The following PDE1A variants were observed in gnomAD, a reference collection of about 807,000 sequenced individuals.
The protein encoded by PDE1A is phosphodiesterase 1A.
A neutral mutation model predicts 61.7 loss-of-function variants in PDE1A; 35 were observed. That is an observed-to-expected ratio of 0.57 (90% CI 0.43 to 0.75). The LOEUF is 0.75. Among genes scored for constraint, PDE1A ranks in the 30% least tolerant of loss-of-function variants. PDE1A has a pLI of 0.00. For missense variants in PDE1A, 597 were observed against 630.6 expected (o/e 0.95, Z 0.57); for synonymous variants, 232 against 213.2 (o/e 1.09, Z -0.77).
intron 2 of PDE1A, among the ~76,000 whole-genome samples, chr2:182,447,083 G>A (rs1685188186): frequency 6.6e-6 from 1 of 150,860 alleles, no homozygotes; most frequent in Non-Finnish European, 1.5e-5. Context: ...GACGGCCACT[G>A]GGAAAATGTT....
At chr2:182,142,302 T>C (rs1027794679), downstream of PDE1A, 3 of 152,220 alleles carry the variant, frequency 2.0e-5, no homozygotes, top group Non-Finnish European at 4.4e-5. Flanking sequence ...GTAGATAGCA[T>C]GTGACTTGCT....
At chr2:182,649,502 G>A in the PDE1A span, among the ~76,000 whole-genome samples, 2 of 151,788 alleles carry the variant, frequency 1.3e-5, no homozygotes, top group East Asian at 1.9e-4. Context: ...GGGAGCAGTG[G>A]CTGACAATTG....
chr2:182,258,246 A>C (rs187309304), intron 2 of PDE1A, among the ~76,000 whole-genome samples: 1 of 152,308 alleles, frequency 6.6e-6, no homozygotes, highest in East Asian at 1.9e-4. Context: ...ATTATAGCTG[A>C]TTTTAGCTTC....
chr2:182,508,643 T>G (rs1020396709), intron 2 of PDE1A, among the ~76,000 whole-genome samples: 3 of 151,082 alleles, frequency 2.0e-5, no homozygotes, highest in Admixed American at 6.6e-5. Context: ...AAAAGAAAAC[T>G]AGCATAGCAT....
At chr2:182,630,554 TTAAA>T in the PDE1A span, among the ~76,000 whole-genome samples, 1 of 151,438 alleles carries the variant, frequency 6.6e-6, no homozygotes, top group Non-Finnish European at 1.5e-5. Context: ...ATCCTCTTTT[TTAAA>T]AAAAAAAAAA....
intron 2 of PDE1A, among the ~76,000 whole-genome samples, chr2:182,482,836 T>C (rs896392024): frequency 6.6e-6 from 1 of 151,936 alleles, no homozygotes; most frequent in Non-Finnish European, 1.5e-5. Flanking sequence ...AACAGCAACA[T>C]GACAGATTCC....
chr2:182,431,663 A>T (rs529004973), upstream of PDE1A, among the ~76,000 whole-genome samples: 20 of 152,242 alleles, frequency 1.3e-4, no homozygotes, highest in South Asian at 1.5e-3. Context: ...AAGTTTTACA[A>T]CTGACTAAGA....
chr2:182,594,264 GATAAT>G, the PDE1A span, among the ~76,000 whole-genome samples: 2 of 152,122 alleles, frequency 1.3e-5, no homozygotes, highest in Non-Finnish European at 2.9e-5. Context: ...CAAATGTGAA[GATAAT>G]ACCATAAGCT....
At chr2:182,240,259 G>A (rs755533201) in exon 3 of PDE1A, 2 of 1,608,032 alleles carry the variant, frequency 1.2e-6, no homozygotes, top group East Asian at 4.5e-5. Context: ...CAGTCTGAAT[G>A]TCACTGAGCT....
At chr2:182,455,160 T>G (rs921332190) in intron 2 of PDE1A, among the ~76,000 whole-genome samples, 2 of 152,008 alleles carry the variant, frequency 1.3e-5, no homozygotes, top group African/African-American at 4.8e-5. Flanking sequence ...GAAAAAATGC[T>G]CACCATCACT....
chr2:182,658,214 A>T, the PDE1A span, among the ~76,000 whole-genome samples: 1 of 152,226 alleles, frequency 6.6e-6, no homozygotes, highest in Non-Finnish European at 1.5e-5. Context: ...TCAAAGAATC[A>T]GCAAGGCTGG....
the PDE1A span, among the ~76,000 whole-genome samples, chr2:182,532,051 T>C: frequency 6.6e-6 from 1 of 152,162 alleles, no homozygotes; most frequent in Non-Finnish European, 1.5e-5. Flanking sequence ...GTGGCTGCAG[T>C]AAAAAGGTAT....
At chr2:182,444,953 G>C (rs1488535693) in intron 2 of PDE1A, among the ~76,000 whole-genome samples, 1 of 152,078 alleles carries the variant, frequency 6.6e-6, no homozygotes, top group Non-Finnish European at 1.5e-5. Flanking sequence ...AGATACACAA[G>C]TTAAACTTGG....
chr2:182,164,582 G>T (rs564250636), downstream of PDE1A, among the ~76,000 whole-genome samples: 1 of 152,182 alleles, frequency 6.6e-6, no homozygotes, highest in Admixed American at 6.5e-5. Flanking sequence ...AGCTACCATT[G>T]TCATTGCCCA....
At chr2:182,472,973 T>G (rs894101969) in intron 2 of PDE1A, among the ~76,000 whole-genome samples, 2 of 151,616 alleles carry the variant, frequency 1.3e-5, no homozygotes, top group African/African-American at 4.8e-5. Context: ...TATTTTATTG[T>G]TATTATACTT....
At chr2:182,172,385 T>C (rs1271832726) in intron 13 of PDE1A, among the ~76,000 whole-genome samples, 1 of 152,068 alleles carries the variant, frequency 6.6e-6, no homozygotes, top group African/African-American at 2.4e-5. Flanking sequence ...AATATTTTTG[T>C]AATGACTTAA....
At chr2:182,176,216 G>T (rs1414679864) in intron 13 of PDE1A, among the ~76,000 whole-genome samples, 2 of 147,980 alleles carry the variant, frequency 1.4e-5, no homozygotes, top group Non-Finnish European at 3.0e-5. Context: ...TTCCAATTCT[G>T]TGAAGAAAGT....
rs909109019 is a variant in PDE1A at position 182,294,596 on chromosome 2, G to T, written c.54-30182C>A. Reference sequence around the variant, plus strand: ...TCCTTCTATAGGATCCCCATAGGCAGCCATATTTAATATCACATTACCCTG... The same window carrying T: ...TCCTTCTATAGGATCCCCATAGGCATCCATATTTAATATCACATTACCCTG... On this transcript the variant is annotated intron_variant, in intron 1 of 13. Transcript: ENST00000351439. 3.9e-5 allele frequency among the ~76,000 whole-genome samples: 6 copies of T among 152,260 alleles called. 1 individual carries two copies. In the Middle Eastern group the frequency reaches 0.01, roughly 259 times the overall value.
chr2:182,415,087 AT>A (rs1381872229), intron 1 of PDE1A, among the ~76,000 whole-genome samples: 7 of 152,142 alleles, frequency 4.6e-5, no homozygotes, highest in Admixed American at 2.6e-4. Flanking sequence ...AGATAGAAGC[AT>A]TTTAAAAAAA....
Sources: gnomAD v4.1 joint callset for allele counts (sites outside exome capture counted in the v4.1 genomes callset) on GRCh38, gnomAD v4.1.1 for gene constraint, MANE v1.5 for transcripts, NCBI Gene and HGNC (gene_info 2026-07-23, HGNC 2026-07-21) for gene names.